Variants in POLQ observed in about 807,000 individuals in gnomAD.
The protein encoded by POLQ is epididymis secretory sperm binding protein.
POLQ carries 233 observed loss-of-function variants against 259.2 expected under a neutral mutation model. The ratio of observed to expected loss-of-function variants is 0.90; its 90% CI spans 0.81 to 1.00. POLQ has a LOEUF of 1.00. Among genes scored for constraint, POLQ ranks in the 50% least tolerant of loss-of-function variants. The pLI, the probability that POLQ is intolerant of heterozygous loss-of-function variation, is 0.00. For synonymous variants in POLQ, 1,025 were observed against 1,048.8 expected (o/e 0.98, Z 0.44); for missense variants, 2,871 against 3,051.6 (o/e 0.94, Z 1.39).
intron 25 of POLQ, among the ~76,000 whole-genome samples, chr3:121,457,611 G>A (rs531397176): frequency 6.6e-6 from 1 of 152,318 alleles, no homozygotes; most frequent in African/African-American, 2.4e-5. Context: ...AGACATTTAT[G>A]TAGCCAAAAG....
intron 25 of POLQ, among the ~76,000 whole-genome samples, chr3:121,457,769 A>G (rs1323446384): frequency 1.3e-5 from 2 of 152,278 alleles, no homozygotes; most frequent in Non-Finnish European, 2.9e-5. Flanking sequence ...AAATAGGAAC[A>G]CTTTTACACT....
chr3:121,460,480 C>A (rs1443406043), intron 24 of POLQ, among the ~76,000 whole-genome samples: 1 of 152,140 alleles, frequency 6.6e-6, no homozygotes, highest in African/African-American at 2.4e-5. Context: ...CATCTGCCCA[C>A]CGTGGAGTGT....
rs776869728 is a variant in POLQ, at chr3:121,489,745, C to CGTA, written c.3185_3186insTAC (p.Ala1062_Cys1063insThr). On this transcript the variant is annotated inframe_insertion, in exon 16 of 30. Transcript: ENST00000264233. Reference sequence around the variant, plus strand: ...TCTGTCCTTGTAAATGGATTCTACACGCTCCAGAGTCTTTCAGGGGGCTGC... The same window carrying CGTA: ...TCTGTCCTTGTAAATGGATTCTACACGTAGCTCCAGAGTCTTTCAGGGGGCTGC... 1.2e-6 allele frequency: 2 copies of CGTA among 1,612,162 alleles called. No homozygotes were observed. The highest frequency in any genetic ancestry group is 1.7e-6 in the Non-Finnish European group (2 of 1,179,668).
At chr3:121,434,070 C>T (rs2047523791) in intron 28 of POLQ, among the ~76,000 whole-genome samples, 1 of 152,254 alleles carries the variant, frequency 6.6e-6, no homozygotes, top group Non-Finnish European at 1.5e-5. Context: ...TGAAGCCACA[C>T]TTGGCTCACA....
rs1337388677 is a variant in POLQ at position 121,541,450 on chromosome 3, C to T, written c.373G>A (p.Ala125Thr). The change falls in exon 3 of 30, where the codon GCA becomes ACA. Residue 125 changes from alanine to threonine, a missense_variant. By Grantham distance (58) the Ala-to-Thr change is moderately conservative. Coordinates refer to ENST00000264233, the MANE Select transcript of POLQ (RefSeq NM_199420.4). ...ACCCGCTTCAAAATAAGTAATTCTGCCACAAGAGTCTTCCCAGCACTTGTA... is the reference window on the plus strand; with the variant it reads ...ACCCGCTTCAAAATAAGTAATTCTGTCACAAGAGTCTTCCCAGCACTTGTA... ...APTSAGKTLV[A>T]ELLILKRVLE... is the part of the protein sequence containing the mutation. 6 of 1,610,216 alleles carry T rather than the reference C, an allele frequency of 3.7e-6. No homozygotes were observed. Among genetic ancestry groups the T allele is most frequent in the Admixed American group, 1.7e-5 (1 of 59,184 alleles).
In POLQ at chr3:121,511,876, T is replaced by A. The variant is rs780270806; in HGVS notation, c.1611+11A>T. 6.3e-7 allele frequency: 1 copy of A among 1,594,074 alleles called. No individual in the cohort carries two copies. Among genetic ancestry groups the A allele is most frequent in the Non-Finnish European group, 8.5e-7 (1 of 1,172,326 alleles). ...AAAGAGCAAATGGTAATTTAGTAAA[T>A]TCTCTCTTACCTCCAGAATAGCTCG... On this transcript the variant is annotated intron_variant, in intron 10 of 29. Transcript: ENST00000264233.
At chr3:121,536,568 G>A (rs1194544521) in intron 5 of POLQ, among the ~76,000 whole-genome samples, 6 of 152,048 alleles carry the variant, frequency 3.9e-5, no homozygotes, top group Admixed American at 3.3e-4. Flanking sequence ...TAATAAAAAT[G>A]TATACATTGA....
At chr3:121,537,771 G>A (rs923482865) in intron 4 of POLQ, among the ~76,000 whole-genome samples, 1 of 151,952 alleles carries the variant, frequency 6.6e-6, no homozygotes. Flanking sequence ...AAATCACAAC[G>A]GCTCCACTTC....
intron 12 of POLQ, among the ~76,000 whole-genome samples, chr3:121,505,032 T>A (rs909310042): frequency 6.6e-6 from 1 of 152,228 alleles, no homozygotes; most frequent in Admixed American, 6.5e-5. Context: ...TAGTGCCTGG[T>A]GGCAGGTGAC....
chr3:121,481,484 A>G, intron 19 of POLQ, 88 bp downstream of exon 19: 1 of 1,180,784 alleles, frequency 8.5e-7, no homozygotes, highest in East Asian at 2.4e-5. Context: ...GATTTGCATA[A>G]ATGTGTAATT....
At chr3:121,515,218 A>G (rs1053261861) in intron 9 of POLQ, among the ~76,000 whole-genome samples, 1 of 152,092 alleles carries the variant, frequency 6.6e-6, no homozygotes, top group Non-Finnish European at 1.5e-5. Context: ...ATAGGAGTGC[A>G]GTGGCATGAT....
In POLQ at chr3:121,448,809, A is replaced by C. The variant is rs145407264; in HGVS notation, c.7264+506T>G. On this transcript the variant is annotated intron_variant, in intron 26 of 29. Coordinates refer to ENST00000264233, the MANE Select transcript of POLQ (RefSeq NM_199420.4). ...TGGTGTAAATTTTATGACCATATGC[A>C]TTTGTCAAAATTCACAGAACTATAT... 6.9e-3 allele frequency among the ~76,000 whole-genome samples: 1,048 copies of C among 152,256 alleles called. 4 individuals are homozygous for C. The highest frequency in any genetic ancestry group is 0.011 in the Non-Finnish European group (743 of 68,020).
intron 15 of POLQ, 49 bp downstream of exon 15, chr3:121,493,429 C>A: frequency 7.6e-7 from 1 of 1,320,722 alleles, no homozygotes; most frequent in Non-Finnish European, 1.0e-6. Flanking sequence ...TTAAAATTGA[C>A]ATTTTTTTTT....
At chr3:121,452,270 G>A (rs1246200928) in intron 25 of POLQ, among the ~76,000 whole-genome samples, 3 of 151,964 alleles carry the variant, frequency 2.0e-5, no homozygotes, top group African/African-American at 7.3e-5. Flanking sequence ...TTCGGCTCAC[G>A]CTCGGTGGGC....
chr3:121,487,763 C>G lies in POLQ; in HGVS notation c.5168G>C (p.Arg1723Pro). The G allele has an allele frequency of 6.2e-7, 1 of 1,612,688 alleles. No homozygotes were observed. The highest frequency in any genetic ancestry group is 8.5e-7 in the Non-Finnish European group (1 of 1,179,166). The change falls in exon 16 of 30, where the codon CGT (arginine) becomes CCT (proline). Residue 1723 changes from arginine (R) to proline (P), a missense_variant. Around this residue, in one of 3 missense-constraint regions of POLQ, gnomAD observed 2,080 missense variants for 2,126.0 expected, o/e 0.98. Coordinates refer to ENST00000264233, the MANE Select transcript of POLQ (RefSeq NM_199420.4). ...ATCATCAACTATATTACTTTCTTTA[C>G]GAGGTAAGAGGGATGAGGTTTCATC... is the stretch of plus-strand genomic sequence containing the variant. ...NHDETSSLLPRKESNIVDDNG... is the reference protein window; with the variant it reads ...NHDETSSLLPPKESNIVDDNG...
rs750242539 is a variant in POLQ, at chr3:121,529,656, T to C, written c.1097A>G (p.His366Arg). ...IIAREFYNLHHQAEGLVKPSE... is the reference protein window; with the variant it reads ...IIAREFYNLHRQAEGLVKPSE... ...CATCCATAACTCACCCTCAGCTTGA[T>C]GATGTAGATTATAAAACTCTCGAGC... Residue 366 changes from histidine (H) to arginine (R), a missense_variant, in exon 7 of 30, where the codon CAT becomes CGT. By Grantham distance (29) the His-to-Arg change is conservative. Coordinates refer to ENST00000264233, the MANE Select transcript of POLQ (RefSeq NM_199420.4). 1.9e-5 allele frequency: 31 copies of C among 1,613,436 alleles called. No homozygotes were observed. Among genetic ancestry groups the C allele is most frequent in the Non-Finnish European group, 2.5e-5 (30 of 1,179,790 alleles).
chr3:121,524,170 G>T (rs1408983867), intron 7 of POLQ, among the ~76,000 whole-genome samples: 1 of 152,058 alleles, frequency 6.6e-6, no homozygotes, highest in African/African-American at 2.4e-5. Flanking sequence ...TGGTTATTAA[G>T]GATTATAAAT....
chr3:121,471,934 T>C, intron 22 of POLQ, 56 bp downstream of exon 22: 2 of 1,023,618 alleles, frequency 2.0e-6, no homozygotes, highest in Non-Finnish European at 2.7e-6. Flanking sequence ...ATATTACATA[T>C]GAAAATGCTT....
chr3:121,514,091 G>GGCCAAGGT (rs1428112648), intron 9 of POLQ, among the ~76,000 whole-genome samples: 2 of 142,110 alleles, frequency 1.4e-5, no homozygotes, highest in Admixed American at 7.2e-5. Flanking sequence ...CACTGTGGGA[G>GGCCAAGGT]GCCAAGGTGG....
Sources: gnomAD v4.1 joint callset for allele counts (sites outside exome capture counted in the v4.1 genomes callset) on GRCh38, gnomAD v4.1.1 for gene constraint, gnomAD v4.1.1 regional missense constraint, MANE v1.5 for transcripts, NCBI Gene and HGNC (gene_info 2026-07-23, HGNC 2026-07-21) for gene names.